The following GABRG3 variants were observed in gnomAD, a reference collection of about 807,000 sequenced individuals.
The protein encoded by GABRG3 is gamma-aminobutyric acid type A receptor subunit gamma3.
A neutral mutation model predicts 48.8 loss-of-function variants in GABRG3; 25 were observed. That is an observed-to-expected ratio of 0.51 (90% CI 0.37 to 0.72). The LOEUF is 0.72. Among genes scored for constraint, GABRG3 ranks in the 30% least tolerant of loss-of-function variants. The pLI is 0.00. For missense variants in GABRG3, 394 were observed against 577.9 expected, an observed-to-expected ratio of 0.68 and a Z score of 3.26; for synonymous variants, 227 against 217.6, an observed-to-expected ratio of 1.04 and a Z score of -0.38.
intron 3 of GABRG3, among the ~76,000 whole-genome samples, chr15:27,114,493 A>C (rs748466320): frequency 6.6e-6 from 1 of 152,234 alleles, no homozygotes; most frequent in African/African-American, 2.4e-5. Flanking sequence ...GCTTTAATCC[A>C]TAACACATGC....
chr15:27,189,307 A>G (rs1385406476), intron 3 of GABRG3, among the ~76,000 whole-genome samples: 1 of 151,952 alleles, frequency 6.6e-6, no homozygotes, highest in Non-Finnish European at 1.5e-5. Flanking sequence ...GAATCTATAA[A>G]TTACCTTGGG....
At chr15:27,046,116 G>A (rs1453840695) in intron 3 of GABRG3, among the ~76,000 whole-genome samples, 1 of 151,808 alleles carries the variant, frequency 6.6e-6, no homozygotes, top group South Asian at 2.1e-4. Context: ...TTTTTGAGAT[G>A]GAGTTTCACT....
rs146899090 is a variant in GABRG3 at position 27,042,412 on chromosome 15, C to T, written c.270+15591C>T. Among the ~76,000 whole-genome samples, 521 of 152,316 alleles carry T rather than the reference C, an allele frequency of 3.4e-3. 3 individuals are homozygous for T. The highest frequency in any genetic ancestry group is 5.0e-3 in the Non-Finnish European group (338 of 68,028). On this transcript the variant is annotated intron_variant, in intron 3 of 9. Coordinates refer to ENST00000615808, the MANE Select transcript of GABRG3 (RefSeq NM_033223.5). ...CTCGCTGACTTGGACACATCCTCCT[C>T]CATCCCTCTTCCACACTGCTGCCAA...
chr15:27,376,258 C>T (rs963193380), intron 5 of GABRG3, among the ~76,000 whole-genome samples: 1 of 152,208 alleles, frequency 6.6e-6, no homozygotes, highest in East Asian at 1.9e-4. Context: ...CAGGATACAG[C>T]CTCCCTTCCA....
chr15:27,195,688 G>T (rs945941894), intron 3 of GABRG3, among the ~76,000 whole-genome samples: 3 of 151,600 alleles, frequency 2.0e-5, no homozygotes, highest in Admixed American at 1.3e-4. Flanking sequence ...AGGCTGGAGT[G>T]TAGTGGCATG....
chr15:27,024,523 A>G (rs993620553), intron 2 of GABRG3, among the ~76,000 whole-genome samples: 2 of 152,106 alleles, frequency 1.3e-5, no homozygotes, highest in African/African-American at 4.8e-5. Flanking sequence ...TTGCCTGTGG[A>G]TATCCAGTTT....
intron 6 of GABRG3, among the ~76,000 whole-genome samples, chr15:27,485,461 A>G (rs1474458423): frequency 6.6e-6 from 1 of 152,106 alleles, no homozygotes; most frequent in Non-Finnish European, 1.5e-5. Flanking sequence ...TTGCACCAGG[A>G]GGGGGCGTCA....
At chr15:27,510,534 CT>C (rs1440906392) in intron 6 of GABRG3, among the ~76,000 whole-genome samples, 1 of 152,218 alleles carries the variant, frequency 6.6e-6, no homozygotes, top group Non-Finnish European at 1.5e-5. Flanking sequence ...CTGTCATCCT[CT>C]CCCAGGCGGC....
At chr15:27,434,723 C>CTCT (rs1285700962) in intron 5 of GABRG3, among the ~76,000 whole-genome samples, 3 of 152,120 alleles carry the variant, frequency 2.0e-5, no homozygotes, top group Admixed American at 6.5e-5. Context: ...CTGGCCAGAG[C>CTCT]AGCAGTATGA....
intron 5 of GABRG3, among the ~76,000 whole-genome samples, chr15:27,444,498 C>T (rs976697353): frequency 5.9e-5 from 9 of 152,092 alleles, no homozygotes; most frequent in African/African-American, 1.4e-4. Context: ...CTTCACTGGA[C>T]TTCGAAGTTT....
At chr15:27,128,088 A>G in intron 3 of GABRG3, among the ~76,000 whole-genome samples, 1 of 149,154 alleles carries the variant, frequency 6.7e-6, no homozygotes, top group African/African-American at 2.4e-5. Context: ...GAGGCCAGGG[A>G]TGGTGGCTCA....
At chr15:27,158,449 T>A (rs1898491876) in intron 3 of GABRG3, 1 of 152,230 alleles carries the variant, frequency 6.6e-6, no homozygotes, top group African/African-American at 2.4e-5. Context: ...TTATTCCATG[T>A]TTATTTCAAA....
chr15:27,471,491 G>A (rs1473155805), intron 5 of GABRG3, among the ~76,000 whole-genome samples: 1 of 152,150 alleles, frequency 6.6e-6, no homozygotes, highest in African/African-American at 2.4e-5. Flanking sequence ...TTTCATAAAG[G>A]CAGTTTAGTT....
intron 5 of GABRG3, among the ~76,000 whole-genome samples, chr15:27,392,140 T>C (rs1887152338): frequency 6.6e-6 from 1 of 152,180 alleles, no homozygotes; most frequent in African/African-American, 2.4e-5. Flanking sequence ...ACTGTTAACA[T>C]CTTACATTTA....
chr15:27,200,532 A>G (rs969421827), intron 3 of GABRG3, among the ~76,000 whole-genome samples: 5 of 152,172 alleles, frequency 3.3e-5, no homozygotes, highest in African/African-American at 1.2e-4. Context: ...ATTACTGAAT[A>G]CAGCAGGGAC....
chr15:27,045,625 C>A (rs148335666), intron 3 of GABRG3, among the ~76,000 whole-genome samples: 348 of 152,272 alleles, frequency 2.3e-3, no homozygotes, highest in African/African-American at 7.7e-3. Flanking sequence ...GTTGCTCTGC[C>A]TCACTTTATC....
intron 5 of GABRG3, among the ~76,000 whole-genome samples, chr15:27,410,844 TCG>T (rs1491545394): frequency 4.2e-5 from 4 of 95,290 alleles, no homozygotes; most frequent in African/African-American, 8.5e-5. Flanking sequence ...GTGCGCACGC[TCG>T]TGTGTGTGTG....
At chr15:27,074,612 A>G (rs1896881289) in intron 3 of GABRG3, among the ~76,000 whole-genome samples, 1 of 149,022 alleles carries the variant, frequency 6.7e-6, no homozygotes, top group Admixed American at 6.7e-5. Flanking sequence ...TCAAGAACCT[A>G]CTCTGTGTGA....
chr15:27,138,039 C>T (rs1370999060), intron 3 of GABRG3, among the ~76,000 whole-genome samples: 1 of 152,128 alleles, frequency 6.6e-6, no homozygotes, highest in Non-Finnish European at 1.5e-5. Flanking sequence ...ACTTGTTATT[C>T]CTACCCTATA....
Sources: allele counts gnomAD v4.1 joint callset (sites outside exome capture counted in the v4.1 genomes callset), GRCh38; gene constraint gnomAD v4.1.1; transcripts MANE v1.5; gene names NCBI Gene and HGNC (gene_info 2026-07-23, HGNC 2026-07-21).